AKAIN1: variants seen among roughly 807,000 people sequenced by gnomAD.
The protein encoded by AKAIN1 is A-kinase anchor protein inhibitor 1.
AKAIN1 carries 3 observed loss-of-function variants against 3.7 expected under a neutral mutation model. The observed-to-expected ratio is 0.82, with a 90% CI of 0.37 to 2.12. The LOEUF (loss-of-function observed/expected upper bound fraction) is 2.12, where lower values mean the gene tolerates loss of function less well. Ranked by LOEUF, AKAIN1 falls within the 30% of genes most tolerant of loss-of-function variation. The pLI is 0.06. For synonymous variants in AKAIN1, 31 were observed against 30.8 expected, an observed-to-expected ratio of 1.01 and a Z score of -0.02; for missense variants, 82 against 82.7, an observed-to-expected ratio of 0.99 and a Z score of 0.03.
In AKAIN1 at chr18:5,142,967, T is replaced by C. The variant is rs779983104; in HGVS notation, c.*2595A>G. Among the ~76,000 whole-genome samples the C allele has an allele frequency of 1.4e-4, 22 of 152,286 alleles. 1 individual carries two copies. Among genetic ancestry groups the C allele is most frequent in the African/African-American group, 3.4e-4 (14 of 41,578 alleles). ...ATGATTACAGCAGAGAAAAGTAACA[T>C]GAAAGGATTTCTTTCTTTAGATCCA... On this transcript the variant is annotated 3_prime_UTR_variant, in exon 2 of 2. Transcript: ENST00000434239.
intron 1 of AKAIN1, among the ~76,000 whole-genome samples, chr18:5,151,013 G>A (rs1567871337): frequency 6.6e-6 from 1 of 151,946 alleles, no homozygotes; most frequent in Non-Finnish European, 1.5e-5. Flanking sequence ...GCACAGATAG[G>A]GCACCAGAGG....
intron 1 of AKAIN1, among the ~76,000 whole-genome samples, chr18:5,168,502 A>T (rs1484082103): frequency 8.9e-6 from 1 of 112,716 alleles, no homozygotes; most frequent in African/African-American, 6.0e-5. Context: ...GTTCAGATCC[A>T]AAACTCATGC....
intron 1 of AKAIN1, among the ~76,000 whole-genome samples, chr18:5,191,044 T>G (rs917577297): frequency 6.6e-6 from 1 of 152,098 alleles, no homozygotes; most frequent in Non-Finnish European, 1.5e-5. Flanking sequence ...TAATAAAAAG[T>G]ATCCACAACA....
intron 1 of AKAIN1, among the ~76,000 whole-genome samples, chr18:5,189,864 T>C (rs758539697): frequency 7.2e-5 from 11 of 152,142 alleles, no homozygotes; most frequent in Non-Finnish European, 1.0e-4. Context: ...TACTCATTAC[T>C]CAGTTCCAAG....
chr18:5,189,398 T>C (rs1388661659), intron 1 of AKAIN1, among the ~76,000 whole-genome samples: 2 of 152,196 alleles, frequency 1.3e-5, no homozygotes, highest in Non-Finnish European at 2.9e-5. Context: ...TCACTCTTTA[T>C]ATAGCCAGGC....
At chr18:5,163,430 C>A (rs1202459016) in intron 1 of AKAIN1, among the ~76,000 whole-genome samples, 2 of 151,958 alleles carry the variant, frequency 1.3e-5, no homozygotes, top group Non-Finnish European at 2.9e-5. Flanking sequence ...TAACAAAGCA[C>A]CCAGGTTCGT....
chr18:5,197,210 TC>T lies in AKAIN1; in HGVS notation c.-158del. On this transcript the variant is annotated 5_prime_UTR_variant, in exon 1 of 2. Transcript: ENST00000434239. This position sits in a 1 kb window ranked among gnomAD's most constrained non-coding sequence, Gnocchi z 6.9. ...ACCCCGGACAGCTCCCGCCGCTAGA[TC>T]CTGGGGCCGCAGCTCCAGCCGCCGC... is the stretch of plus-strand genomic sequence containing the variant. The T allele has an allele frequency of 6.4e-6, 9 of 1,399,010 alleles. No individual in the cohort carries two copies. The highest frequency in any genetic ancestry group is 7.4e-6 in the Non-Finnish European group (8 of 1,086,496). The allele number at this position is 1,399,010 out of a possible 1,614,324, so 86.7% of individuals were successfully genotyped here. A position where few individuals can be genotyped will look rare whatever the true frequency, so the allele number is the denominator to read the frequency against.
intron 1 of AKAIN1, among the ~76,000 whole-genome samples, chr18:5,157,298 C>T (rs1396067640): frequency 6.6e-6 from 1 of 152,142 alleles, no homozygotes; most frequent in African/African-American, 2.4e-5. Flanking sequence ...GACACAGAAC[C>T]CAAAGATTAT....
At chr18:5,178,843 C>T (rs1190953906) in intron 1 of AKAIN1, among the ~76,000 whole-genome samples, 1 of 152,078 alleles carries the variant, frequency 6.6e-6, no homozygotes, top group African/African-American at 2.4e-5. Flanking sequence ...ACTGATAATC[C>T]CTGAGCCAAA....
At position 5,143,601 on chromosome 18, in the gene AKAIN1, A is replaced by G. The variant is rs796912307; in HGVS notation, c.*1961T>C. On this transcript the variant is annotated 3_prime_UTR_variant, in exon 2 of 2. Transcript: ENST00000434239. ...TCTAGGGGTTTGAAAATAGCCTTGG[A>G]AGTCTCATGGTTCCAAATAATGGTA... Among the ~76,000 whole-genome samples the G allele has an allele frequency of 1.3e-5, 2 of 152,330 alleles. No individual in the cohort carries two copies. The highest frequency in any genetic ancestry group is 4.8e-5 in the African/African-American group (2 of 41,588).
intron 1 of AKAIN1, among the ~76,000 whole-genome samples, chr18:5,194,921 GA>G (rs2071339365): frequency 6.6e-6 from 1 of 152,130 alleles, no homozygotes; most frequent in South Asian, 2.1e-4. Flanking sequence ...TAGAGATTTA[GA>G]AAAGCAATAG....
rs1417911154 is a variant in AKAIN1 at position 5,144,823 on chromosome 18, TCA to T, written c.*737_*738del. Among the ~76,000 whole-genome samples, 1 of 152,194 alleles carries T rather than the reference TCA, an allele frequency of 6.6e-6. No individual in the cohort carries two copies. Among genetic ancestry groups the T allele is most frequent in the Non-Finnish European group, 1.5e-5 (1 of 68,028 alleles). On this transcript the variant is annotated 3_prime_UTR_variant, in exon 2 of 2. Transcript: ENST00000434239. ...GCTAAGGAAATGAGTCATTGGCAACTCACATGTGTAGACTCACTTGTCTTATT... is the reference window on the plus strand; with the variant it reads ...GCTAAGGAAATGAGTCATTGGCAACTCATGTGTAGACTCACTTGTCTTATT...
chr18:5,177,047 A>C (rs911904638), intron 1 of AKAIN1, among the ~76,000 whole-genome samples: 2 of 152,084 alleles, frequency 1.3e-5, no homozygotes, highest in Non-Finnish European at 2.9e-5. Context: ...TGGAATCACA[A>C]CCTCAGCTAG....
Position 5,197,215 on chromosome 18 carries a change from G to GGGCCGCAGCTCC in AKAIN1, c.-174_-163dup, listed in dbSNP as rs745740269. 1.1e-3 allele frequency: 1,598 copies of GGGCCGCAGCTCC among 1,396,382 alleles called. 3 individuals carry two copies. Among genetic ancestry groups the GGGCCGCAGCTCC allele is most frequent in the Non-Finnish European group, 1.3e-3 (1,409 of 1,085,912 alleles). The allele number at this position is 1,396,382 out of a possible 1,614,324, so 86.5% of individuals were successfully genotyped here. A position where few individuals can be genotyped will look rare whatever the true frequency, so the allele number is the denominator to read the frequency against. ...GGACAGCTCCCGCCGCTAGATCCTG[G>GGGCCGCAGCTCC]GGCCGCAGCTCCAGCCGCCGCCGCG... On this transcript the variant is annotated 5_prime_UTR_variant, in exon 1 of 2. Coordinates refer to ENST00000434239, the MANE Select transcript of AKAIN1 (RefSeq NM_001145194.2). The surrounding 1 kb of genome is among the most constrained non-coding windows in gnomAD (Gnocchi z 6.9).
At chr18:5,180,696 G>A (rs998011418) in intron 1 of AKAIN1, among the ~76,000 whole-genome samples, 3 of 152,210 alleles carry the variant, frequency 2.0e-5, no homozygotes, top group African/African-American at 2.4e-5. Context: ...TCCCTGGTTG[G>A]AGAGTGATTA....
intron 1 of AKAIN1, among the ~76,000 whole-genome samples, chr18:5,161,741 T>G (rs2071140547): frequency 6.6e-6 from 1 of 152,190 alleles, no homozygotes; most frequent in Admixed American, 6.6e-5. Context: ...TAGAAATGCC[T>G]ATCAAATTTG....
At chr18:5,185,390 T>C (rs2071281265) in intron 1 of AKAIN1, among the ~76,000 whole-genome samples, 1 of 152,094 alleles carries the variant, frequency 6.6e-6, no homozygotes, top group Non-Finnish European at 1.5e-5. Context: ...AAAGAATCTA[T>C]CAACATAGTA....
chr18:5,155,646 T>C (rs1259399871), intron 1 of AKAIN1, among the ~76,000 whole-genome samples: 2 of 152,096 alleles, frequency 1.3e-5, no homozygotes, highest in African/African-American at 2.4e-5. Context: ...GGAAAAGCAA[T>C]CCAGAGCCAC....
chr18:5,154,889 G>A lies in AKAIN1; in HGVS notation c.17-9134C>T, dbSNP rs2071098370. Among the ~76,000 whole-genome samples the A allele has an allele frequency of 1.3e-5, 2 of 152,290 alleles. 1 individual carries two copies. Among genetic ancestry groups the A allele is most frequent in the Middle Eastern group, 6.8e-3 (2 of 294 alleles). On this transcript the variant is annotated intron_variant, in intron 1 of 1. Transcript: ENST00000434239. Reference sequence around the variant, plus strand: ...ACTGCAGCCTCAAACTCCTGGAAGCGATTCTCCCGCCTCAGCCTCCCAACT... The same window carrying A: ...ACTGCAGCCTCAAACTCCTGGAAGCAATTCTCCCGCCTCAGCCTCCCAACT...
Sources: allele counts gnomAD v4.1 joint callset (sites outside exome capture counted in the v4.1 genomes callset), GRCh38; gene constraint gnomAD v4.1.1; non-coding constraint Gnocchi (gnomAD v3.1); transcripts MANE v1.5; gene names NCBI Gene and HGNC (gene_info 2026-07-23, HGNC 2026-07-21).